CKS2: variants seen among roughly 807,000 people sequenced by gnomAD.
The protein encoded by CKS2 is cyclin-dependent kinases regulatory subunit 2.
Under a neutral mutation model 14.3 loss-of-function variants are expected in CKS2, and 4 were observed. The ratio of observed to expected loss-of-function variants is 0.28; its 90% CI spans 0.14 to 0.64. CKS2 has a LOEUF of 0.64. Among genes scored for constraint, CKS2 ranks in the 30% least tolerant of loss-of-function variants. The pLI, the probability that CKS2 is intolerant of heterozygous loss-of-function variation, is 0.83. For missense variants in CKS2, 71 were observed against 94.3 expected, an observed-to-expected ratio of 0.75 and a Z score of 1.02; for synonymous variants, 33 against 28.7, an observed-to-expected ratio of 1.15 and a Z score of -0.48.
chr9:89,315,821 T>G (rs1176456856), intron 2 of CKS2, among the ~76,000 whole-genome samples: 1 of 152,144 alleles, frequency 6.6e-6, no homozygotes, highest in Admixed American at 6.6e-5. Context: ...ACTTTGTGGG[T>G]TTTCTAGACT....
At chr9:89,314,611 T>A (rs1824675038) in intron 1 of CKS2, among the ~76,000 whole-genome samples, 1 of 152,172 alleles carries the variant, frequency 6.6e-6, no homozygotes, top group African/African-American at 2.4e-5. Context: ...GTAACTTAGA[T>A]TTTTTCGTTA....
intron 1 of CKS2, among the ~76,000 whole-genome samples, chr9:89,314,957 A>G (rs1171413239): frequency 6.6e-6 from 1 of 152,194 alleles, no homozygotes; most frequent in East Asian, 1.9e-4. Context: ...GCATTCTGTG[A>G]TAAGAGAAAA....
At chr9:89,315,396 G>T in intron 2 of CKS2, 99 bp downstream of exon 2, 1 of 1,071,722 alleles carries the variant, frequency 9.3e-7, no homozygotes, top group Non-Finnish European at 1.3e-6. Flanking sequence ...AATGATATCT[G>T]AAAGTAACTG....
chr9:89,311,219 T>G lies in CKS2; in HGVS notation c.-74T>G, dbSNP rs893934113. The G allele has an allele frequency of 1.5e-5, 19 of 1,275,122 alleles. No individual in the cohort carries two copies. The African/African-American group carries it at 2.1e-4, about 14-fold the overall frequency. The allele number at this position is 1,275,122 out of a possible 1,614,324, so 79.0% of individuals were successfully genotyped here. ...CGTTAGTCTCCGGCGAGTTGTTGCC[T>G]GGGCTGGACGTGGTTTTGTCTGCTG... On this transcript the variant is annotated 5_prime_UTR_variant, in exon 1 of 3. Coordinates refer to ENST00000314355, the MANE Select transcript of CKS2 (RefSeq NM_001827.3).
intron 1 of CKS2, 60 bp downstream of exon 1, chr9:89,311,411 C>G: frequency 6.9e-7 from 1 of 1,439,094 alleles, no homozygotes; most frequent in South Asian, 1.2e-5. Flanking sequence ...GCGGGCGGGG[C>G]GACCCAGGCA....
In CKS2 at chr9:89,311,274, T is replaced by G. The variant is rs755751583; in HGVS notation, c.-19T>G. 3 of 1,608,590 alleles carry G rather than the reference T, an allele frequency of 1.9e-6. No homozygotes were observed. On this transcript the variant is annotated 5_prime_UTR_variant, in exon 1 of 3. Transcript: ENST00000314355. ...CGCTCTTCGCGCTCTCGTTTCATTT[T>G]CTGCAGCGCGCCAGCAGGATGGCCC...
chr9:89,311,412 G>C (rs1004074518), intron 1 of CKS2, 61 bp downstream of exon 1: 35 of 1,231,728 alleles, frequency 2.8e-5, no homozygotes, highest in Non-Finnish European at 3.9e-5. Flanking sequence ...CGGGCGGGGC[G>C]ACCCAGGCAT....
In CKS2 at chr9:89,316,412, A is replaced by T; in HGVS notation, c.227A>T (p.Asp76Val). The T allele has an allele frequency of 6.3e-7, 1 of 1,591,154 alleles. No individual in the cohort carries two copies. Among genetic ancestry groups the T allele is most frequent in the East Asian group, 2.2e-5 (1 of 44,716 alleles). Residue 76 changes from aspartate (D) to valine (V), a missense_variant, in exon 3 of 3, where the codon GAT becomes GTT. Transcript: ENST00000314355. Reference sequence around the variant, plus strand: ...CTCTTTAGACGACCTCTTCCAAAAGATCAACAAAAATGAAGTTTATCTGGG... The same window carrying T: ...CTCTTTAGACGACCTCTTCCAAAAGTTCAACAAAAATGAAGTTTATCTGGG... ...ILLFRRPLPK[D>V]QQK is the part of the protein sequence containing the mutation.
Position 89,316,369 on chromosome 9 carries a change from A to C in CKS2, c.188-4A>C, listed in dbSNP as rs2131465068. ...AAATGATTCAAAACATTTTCTTTCC[A>C]CAGAACCACATATTCTTCTCTTTAG... On this transcript the variant is annotated splice_polypyrimidine_tract_variant and splice_region_variant and intron_variant, in intron 2 of 2. Coordinates refer to ENST00000314355, the MANE Select transcript of CKS2 (RefSeq NM_001827.3). 3 of 1,573,154 alleles carry C rather than the reference A, an allele frequency of 1.9e-6. No individual in the cohort carries two copies. In the East Asian group the frequency reaches 6.7e-5, roughly 35 times the overall value.
At chr9:89,311,524 C>G (rs754400442) in intron 1 of CKS2, among the ~76,000 whole-genome samples, 173 bp downstream of exon 1, 2 of 152,170 alleles carry the variant, frequency 1.3e-5, no homozygotes, top group Non-Finnish European at 2.9e-5. Context: ...CCCGCGCAGT[C>G]GGACATGGTT....
At chr9:89,312,213 T>G (rs1164129382) in intron 1 of CKS2, 1 of 154,744 alleles carries the variant, frequency 6.5e-6, no homozygotes, top group Non-Finnish European at 1.5e-5. Context: ...CTGTAATCGA[T>G]CAGTAAAATT....
intron 2 of CKS2, 30 bp downstream of exon 2, chr9:89,315,327 T>A (rs185790558): frequency 2.8e-4 from 421 of 1,487,742 alleles, no homozygotes; most frequent in Middle Eastern, 3.6e-4. Flanking sequence ...AGTAAAGCAG[T>A]AATTGTTGAA....
At chr9:89,314,690 T>G (rs1824676669) in intron 1 of CKS2, among the ~76,000 whole-genome samples, 1 of 152,174 alleles carries the variant, frequency 6.6e-6, no homozygotes, top group Non-Finnish European at 1.5e-5. Flanking sequence ...GGTCCTTACC[T>G]CTTGTTGCTT....
At chr9:89,313,080 A>C (rs377660295) in intron 1 of CKS2, among the ~76,000 whole-genome samples, 2 of 152,222 alleles carry the variant, frequency 1.3e-5, no homozygotes, top group African/African-American at 2.4e-5. Flanking sequence ...AGCTGGTATT[A>C]ATTGGCCAAG....
chr9:89,315,145 A>G, intron 1 of CKS2, 25 bp from the exon 2 acceptor site: 1 of 1,594,892 alleles, frequency 6.3e-7, no homozygotes, highest in Non-Finnish European at 8.5e-7. Flanking sequence ...GCACTGGACT[A>G]ACACTTGGCT....
At chr9:89,311,788 C>G (rs1006183197) in intron 1 of CKS2, among the ~76,000 whole-genome samples, 1 of 152,224 alleles carries the variant, frequency 6.6e-6, no homozygotes, top group Non-Finnish European at 1.5e-5. Context: ...TGGTGCCGTC[C>G]TTTTTCCTTT....
Position 89,311,257 on chromosome 9 carries a change from G to A in CKS2, c.-36G>A, listed in dbSNP as rs777304907. ...GTTTTGTCTGCTGCGCCCGCTCTTC[G>A]CGCTCTCGTTTCATTTTCTGCAGCG... is the stretch of plus-strand genomic sequence containing the variant. On this transcript the variant is annotated 5_prime_UTR_variant, in exon 1 of 3. Coordinates refer to ENST00000314355, the MANE Select transcript of CKS2 (RefSeq NM_001827.3). 172 of 1,594,654 alleles carry A rather than the reference G, an allele frequency of 1.1e-4. 1 individual carries two copies. Among genetic ancestry groups the A allele is most frequent in the East Asian group, 2.3e-5 (1 of 43,864 alleles).
chr9:89,315,484 A>T (rs1391722891), intron 2 of CKS2, among the ~76,000 whole-genome samples, 187 bp downstream of exon 2: 1 of 151,348 alleles, frequency 6.6e-6, no homozygotes, highest in Non-Finnish European at 1.5e-5. Flanking sequence ...ATAAAATACC[A>T]CAGCAGTGAA....
chr9:89,311,406 C>T (rs1439054970), intron 1 of CKS2, 55 bp downstream of exon 1: 81 of 1,350,160 alleles, frequency 6.0e-5, no homozygotes, highest in Non-Finnish European at 8.0e-5. Context: ...CCCCCGCGGG[C>T]GGGGCGACCC....
Sources: gnomAD v4.1 joint callset for allele counts (sites outside exome capture counted in the v4.1 genomes callset) on GRCh38, gnomAD v4.1.1 for gene constraint, MANE v1.5 for transcripts, NCBI Gene and HGNC (gene_info 2026-07-23, HGNC 2026-07-21) for gene names.